MAGI2: variants seen among roughly 807,000 people sequenced by gnomAD.
MAGI2 encodes membrane associated guanylate kinase, WW and PDZ domain containing 2.
MAGI2 carries 35 observed loss-of-function variants against 133.3 expected under a neutral mutation model. That is an observed-to-expected ratio of 0.26 (90% CI 0.20 to 0.35). The LOEUF (loss-of-function observed/expected upper bound fraction) is 0.35, where lower values mean the gene tolerates loss of function less well. Ranked by LOEUF, MAGI2 falls within the 10% of genes least tolerant of loss-of-function variation. The probability of loss-of-function intolerance (pLI) is 1.00; values close to 1 mark genes in which losing one functional copy is unlikely to be tolerated. For synonymous variants in MAGI2, 729 were observed against 710.6 expected, an observed-to-expected ratio of 1.03 and a Z score of -0.41; for missense variants, 1,636 against 1,863.4, an observed-to-expected ratio of 0.88 and a Z score of 2.25.
At chr7:79,018,261 G>T (rs1281647363) in intron 1 of MAGI2, among the ~76,000 whole-genome samples, 2 of 152,032 alleles carry the variant, frequency 1.3e-5, no homozygotes, top group Admixed American at 6.6e-5. Context: ...TTAAAGAAAA[G>T]AATTTTCAGC....
At chr7:79,283,996 T>C (rs1835830897) in intron 1 of MAGI2, among the ~76,000 whole-genome samples, 1 of 152,102 alleles carries the variant, frequency 6.6e-6, no homozygotes, top group Non-Finnish European at 1.5e-5. Flanking sequence ...TACAGTAACA[T>C]GCTATATAGG....
At chr7:78,302,111 T>C (rs922609976) in intron 9 of MAGI2, among the ~76,000 whole-genome samples, 1 of 152,226 alleles carries the variant, frequency 6.6e-6, no homozygotes, top group African/African-American at 2.4e-5. Context: ...ATTGTATTTA[T>C]AGCATAAAAT....
chr7:79,115,094 T>C (rs1431780018), intron 1 of MAGI2, among the ~76,000 whole-genome samples: 1 of 152,184 alleles, frequency 6.6e-6, no homozygotes, highest in Non-Finnish European at 1.5e-5. Flanking sequence ...CAATGCTGAA[T>C]GTGCAAGAGG....
At chr7:78,592,828 CTTTT>C (rs10675572) in intron 3 of MAGI2, among the ~76,000 whole-genome samples, 8 of 106,872 alleles carry the variant, frequency 7.5e-5, no homozygotes, top group Admixed American at 3.0e-4. Context: ...TACTGATTCT[CTTTT>C]TTTTTTTTTT....
intron 1 of MAGI2, among the ~76,000 whole-genome samples, chr7:79,175,539 C>G (rs1826017113): frequency 1.3e-5 from 2 of 151,874 alleles, no homozygotes; most frequent in African/African-American, 4.8e-5. Context: ...AACTGCTCTT[C>G]TAAGTGCAGT....
intron 2 of MAGI2, among the ~76,000 whole-genome samples, chr7:78,713,481 C>A (rs323140): frequency 0.26 from 39,371 of 151,894 alleles, 6,029 homozygotes; most frequent in African/African-American, 0.4. Flanking sequence ...AGAAAGTGAC[C>A]ATTTCTACAT....
chr7:78,844,427 G>A (rs901486692), intron 2 of MAGI2, among the ~76,000 whole-genome samples: 1 of 151,716 alleles, frequency 6.6e-6, no homozygotes, highest in Non-Finnish European at 1.5e-5. Flanking sequence ...CTAATGAATG[G>A]ATACACAAAT....
chr7:78,066,712 C>T (rs539542658), intron 21 of MAGI2, among the ~76,000 whole-genome samples: 1 of 152,186 alleles, frequency 6.6e-6, no homozygotes, highest in South Asian at 2.1e-4. Flanking sequence ...TAGTAATTTC[C>T]AAGAGACAGG....
chr7:79,194,194 G>A (rs1827893539), intron 1 of MAGI2, among the ~76,000 whole-genome samples: 1 of 151,892 alleles, frequency 6.6e-6, no homozygotes, highest in Admixed American at 6.6e-5. Context: ...TGGTTTTACT[G>A]ATTCATCGAA....
At chr7:79,330,180 C>CTT (rs544172383) in intron 1 of MAGI2, among the ~76,000 whole-genome samples, 3,865 of 59,088 alleles carry the variant, frequency 0.065, 347 homozygotes, top group Non-Finnish European at 0.084. Flanking sequence ...CAATCTGCAT[C>CTT]TTTTTTTTTT....
At chr7:78,579,079 A>T (rs1209754080) in intron 3 of MAGI2, among the ~76,000 whole-genome samples, 5 of 152,192 alleles carry the variant, frequency 3.3e-5, no homozygotes, top group African/African-American at 9.7e-5. Context: ...GTACAGCCAC[A>T]ATCACATCCC....
chr7:78,145,862 T>A (rs1395036846), intron 16 of MAGI2, among the ~76,000 whole-genome samples: 1 of 152,100 alleles, frequency 6.6e-6, no homozygotes, highest in Non-Finnish European at 1.5e-5. Flanking sequence ...ACCAATCCCA[T>A]CATTGGGGTA....
At chr7:78,106,139 T>A (rs1818667426) in intron 20 of MAGI2, among the ~76,000 whole-genome samples, 1 of 152,142 alleles carries the variant, frequency 6.6e-6, no homozygotes, top group Admixed American at 6.5e-5. Flanking sequence ...CCTGGCTTAT[T>A]TCATGTAACA....
At chr7:79,075,466 A>T (rs1157969103) in intron 1 of MAGI2, among the ~76,000 whole-genome samples, 1 of 152,172 alleles carries the variant, frequency 6.6e-6, no homozygotes, top group African/African-American at 2.4e-5. Context: ...TAGTGAATAT[A>T]ATTATATCAT....
chr7:79,098,666 G>A (rs539487687), intron 1 of MAGI2, among the ~76,000 whole-genome samples: 68 of 152,198 alleles, frequency 4.5e-4, no homozygotes, highest in African/African-American at 1.6e-3. Context: ...TTTGTATATT[G>A]TTCCAAATGC....
At chr7:79,414,291 C>T (rs1846345407) in intron 1 of MAGI2, 1 of 152,144 alleles carries the variant, frequency 6.6e-6, no homozygotes. Context: ...TTTGGTTGCA[C>T]TTGACCTTCC....
At chr7:78,509,044 C>T (rs886339759) in intron 4 of MAGI2, among the ~76,000 whole-genome samples, 1 of 152,042 alleles carries the variant, frequency 6.6e-6, no homozygotes, top group South Asian at 2.1e-4. Flanking sequence ...ACTGCTAAAA[C>T]GAACAGACTT....
intron 6 of MAGI2, among the ~76,000 whole-genome samples, chr7:78,463,733 G>T (rs1197980589): frequency 2.0e-5 from 3 of 152,202 alleles, no homozygotes; most frequent in Non-Finnish European, 4.4e-5. Flanking sequence ...TTCCGTTTAG[G>T]AAGCAAGGAA....
intron 1 of MAGI2, among the ~76,000 whole-genome samples, chr7:79,261,651 C>T (rs1023752729): frequency 2.0e-5 from 3 of 152,130 alleles, no homozygotes; most frequent in Non-Finnish European, 2.9e-5. Flanking sequence ...CCCTCCATTG[C>T]TTTATTCCTA....
Sources: allele counts gnomAD v4.1 joint callset (sites outside exome capture counted in the v4.1 genomes callset), GRCh38; gene constraint gnomAD v4.1.1; transcripts MANE v1.5; gene names NCBI Gene and HGNC (gene_info 2026-07-23, HGNC 2026-07-21).